Variants in ZMYM4 observed in about 807,000 individuals in gnomAD.
The protein encoded by ZMYM4 is zinc finger MYM-type protein 4.
ZMYM4 carries 31 observed loss-of-function variants against 183.2 expected under a neutral mutation model. That is an observed-to-expected ratio of 0.17 (90% CI 0.13 to 0.23). The LOEUF is 0.23. Ranked by LOEUF, ZMYM4 falls within the 10% of genes least tolerant of loss-of-function variation. The pLI is 1.00. For synonymous variants in ZMYM4, 592 were observed against 631.2 expected, an observed-to-expected ratio of 0.94 and a Z score of 0.93; for missense variants, 1,273 against 1,840.3, an observed-to-expected ratio of 0.69 and a Z score of 5.64.
At chr1:35,294,483 CAG>C (rs1291135425) in intron 1 of ZMYM4, among the ~76,000 whole-genome samples, 1 of 151,970 alleles carries the variant, frequency 6.6e-6, no homozygotes, top group Non-Finnish European at 1.5e-5. Context: ...ATTATGAAGG[CAG>C]GGGGCAGTAG....
chr1:35,411,986 C>A (rs1051913847), intron 26 of ZMYM4, among the ~76,000 whole-genome samples: 1 of 152,156 alleles, frequency 6.6e-6, no homozygotes, highest in Non-Finnish European at 1.5e-5. Flanking sequence ...GGGTTCAACG[C>A]CATTCTCCTG....
At chr1:35,356,153 T>C (rs1233097430) in intron 2 of ZMYM4, among the ~76,000 whole-genome samples, 7 of 152,170 alleles carry the variant, frequency 4.6e-5, no homozygotes, top group African/African-American at 7.2e-5. Flanking sequence ...GAGGTTGTAA[T>C]AAGCTGAGAT....
intron 27 of ZMYM4, among the ~76,000 whole-genome samples, chr1:35,414,495 C>T (rs1640033727): frequency 6.6e-6 from 1 of 152,182 alleles, no homozygotes; most frequent in Non-Finnish European, 1.5e-5. Context: ...GTCCATAATT[C>T]ACTCCAGGTC....
rs140203129 is a variant in ZMYM4, at chr1:35,406,432, A to C, written c.3796+964A>C. 1.6e-3 allele frequency among the ~76,000 whole-genome samples: 243 copies of C among 152,312 alleles called. 1 individual carries two copies. Among genetic ancestry groups the C allele is most frequent in the African/African-American group, 5.6e-3 (232 of 41,562 alleles). On this transcript the variant is annotated intron_variant, in intron 25 of 29. Transcript: ENST00000314607. ...CACTGTAGAAGGCTGAATCAGGAGG[A>C]TCTCCTAAGCCCAAGAGTTCTGAGG...
At chr1:35,279,095 G>C (rs958815029) in intron 1 of ZMYM4, among the ~76,000 whole-genome samples, 2 of 152,194 alleles carry the variant, frequency 1.3e-5, no homozygotes, top group African/African-American at 4.8e-5. Context: ...TCTGTCTGCA[G>C]CTGGTGTGGG....
intron 1 of ZMYM4, among the ~76,000 whole-genome samples, chr1:35,286,789 T>A (rs1640517793): frequency 1.1e-5 from 1 of 91,406 alleles, no homozygotes; most frequent in African/African-American, 5.6e-5. Flanking sequence ...TTTTTTTTTT[T>A]TTTTTTTTTT....
At chr1:35,380,284 A>G (rs1209997) in intron 7 of ZMYM4, among the ~76,000 whole-genome samples, 1,684 of 152,100 alleles carry the variant, frequency 0.011, 32 homozygotes, top group African/African-American at 0.034. Context: ...CACCAGTTTG[A>G]AAAATTGGTT....
intron 1 of ZMYM4, among the ~76,000 whole-genome samples, chr1:35,323,307 A>G (rs1386723340): frequency 3.3e-5 from 5 of 151,800 alleles, no homozygotes; most frequent in African/African-American, 9.7e-5. Flanking sequence ...CGGCTGGACA[A>G]CTCCTTTGAA....
intron 26 of ZMYM4, among the ~76,000 whole-genome samples, chr1:35,410,811 A>C (rs1166445820): frequency 2.6e-5 from 4 of 151,854 alleles, no homozygotes; most frequent in African/African-American, 9.7e-5. Flanking sequence ...ATTTTAATGA[A>C]GTTCAGTTTC....
Position 35,361,617 on chromosome 1 carries a change from A to G in ZMYM4, c.670-2A>G. 6.2e-7 allele frequency: 1 copy of G among 1,610,512 alleles called. No homozygotes were observed. Among genetic ancestry groups the G allele is most frequent in the Non-Finnish European group, 8.5e-7 (1 of 1,178,998 alleles). On this transcript the variant is annotated splice_acceptor_variant, in intron 4 of 29. Coordinates refer to ENST00000314607, the MANE Select transcript of ZMYM4 (RefSeq NM_005095.3). LOFTEE classifies it high-confidence loss of function. Reference sequence around the variant, plus strand: ...TTATTAATCCTTTATATTGTGTTTTAGGATTCCAGCTACCCATTTGCCAAT... The same window carrying G: ...TTATTAATCCTTTATATTGTGTTTTGGGATTCCAGCTACCCATTTGCCAAT...
At chr1:35,296,848 T>C (rs921647229) in intron 1 of ZMYM4, among the ~76,000 whole-genome samples, 8 of 141,576 alleles carry the variant, frequency 5.7e-5, no homozygotes, top group South Asian at 2.3e-4. Flanking sequence ...TCTTTCTTTT[T>C]TTTTTTTTTT....
At chr1:35,358,777 A>C (rs1643881805) in intron 2 of ZMYM4, 148 bp from the exon 3 acceptor site, 3 of 680,914 alleles carry the variant, frequency 4.4e-6, no homozygotes, top group Non-Finnish European at 7.1e-6. Flanking sequence ...TATATCTGTC[A>C]CACCTATATC....
At chr1:35,312,684 C>CTT (rs1228801806) in intron 1 of ZMYM4, among the ~76,000 whole-genome samples, 9 of 148,494 alleles carry the variant, frequency 6.1e-5, no homozygotes. Context: ...TCCCTTCTTT[C>CTT]TTTTCTTTCT....
At chr1:35,407,204 C>A (rs546602019) in intron 25 of ZMYM4, among the ~76,000 whole-genome samples, 2 of 152,124 alleles carry the variant, frequency 1.3e-5, no homozygotes, top group South Asian at 4.2e-4. Context: ...GAGGCCGAGG[C>A]GGGCGGATCA....
At chr1:35,399,435 T>G in intron 22 of ZMYM4, 47 bp from the exon 23 acceptor site, 1 of 1,534,758 alleles carries the variant, frequency 6.5e-7, no homozygotes, top group Non-Finnish European at 9.0e-7. Flanking sequence ...TTTATTTAAA[T>G]TTGTGAGTTA....
intron 7 of ZMYM4, among the ~76,000 whole-genome samples, chr1:35,377,562 AGT>A (rs1450576066): frequency 1.3e-5 from 2 of 152,214 alleles, no homozygotes; most frequent in African/African-American, 4.8e-5. Flanking sequence ...ATCTCAATAA[AGT>A]GAGTGATATT....
In ZMYM4 at chr1:35,278,767, A is replaced by C. The variant is rs1640002862; in HGVS notation, c.39+9682A>C. ...AAAATCTCCAAATATTATAACCTCA[A>C]AAAGTTTGAAATCTCATTGTCTTAA... On this transcript the variant is annotated intron_variant, in intron 1 of 29. Transcript: ENST00000314607. Among the ~76,000 whole-genome samples, 3 of 152,142 alleles carry C rather than the reference A, an allele frequency of 2.0e-5. No homozygotes were observed. The South Asian group carries it at 6.2e-4, about 31-fold the overall frequency.
intron 26 of ZMYM4, among the ~76,000 whole-genome samples, chr1:35,411,896 T>TG (rs1639915378): frequency 6.6e-6 from 1 of 152,154 alleles, no homozygotes; most frequent in South Asian, 2.1e-4. Flanking sequence ...TTTGTTTGTT[T>TG]TTTTGAGACG....
intron 2 of ZMYM4, among the ~76,000 whole-genome samples, chr1:35,335,809 CG>C (rs1209611720): frequency 2.6e-5 from 4 of 151,916 alleles, no homozygotes; most frequent in African/African-American, 4.8e-5. Flanking sequence ...AAAAATTAGC[CG>C]GACGTGATGG....
Sources: gnomAD v4.1 joint callset for allele counts (sites outside exome capture counted in the v4.1 genomes callset) on GRCh38, gnomAD v4.1.1 for gene constraint, MANE v1.5 for transcripts, NCBI Gene and HGNC (gene_info 2026-07-23, HGNC 2026-07-21) for gene names.